NEGR1: variants seen among roughly 807,000 people sequenced by gnomAD.
The protein encoded by NEGR1 is IgLON family member 4.
NEGR1 carries 10 observed loss-of-function variants against 40.9 expected under a neutral mutation model. The ratio of observed to expected loss-of-function variants is 0.24; its 90% CI spans 0.15 to 0.42. The LOEUF (loss-of-function observed/expected upper bound fraction) is 0.42. Ranked by LOEUF, NEGR1 falls within the 10% of genes least tolerant of loss-of-function variation. The pLI is 1.00. For missense variants in NEGR1, 352 were observed against 438.9 expected (o/e 0.80, Z 1.77); for synonymous variants, 185 against 166.8 (o/e 1.11, Z -0.84).
At chr1:71,574,709 T>C (rs536477171) in intron 6 of NEGR1, among the ~76,000 whole-genome samples, 1 of 152,344 alleles carries the variant, frequency 6.6e-6, no homozygotes, top group East Asian at 1.9e-4. Context: ...ATTTATGTTC[T>C]ATTTTAGCCC....
At chr1:71,715,187 C>T (rs1023379477) in intron 3 of NEGR1, among the ~76,000 whole-genome samples, 2 of 152,198 alleles carry the variant, frequency 1.3e-5, no homozygotes, top group Non-Finnish European at 2.9e-5. Flanking sequence ...ACATTGATCC[C>T]TTTCAGTCGT....
intron 4 of NEGR1, among the ~76,000 whole-genome samples, chr1:71,661,612 CTTA>C (rs2101591025): frequency 6.6e-6 from 1 of 152,200 alleles, no homozygotes; most frequent in African/African-American, 2.4e-5. Flanking sequence ...TCATATAAAT[CTTA>C]TGACCCCCGT....
chr1:72,051,406 C>T (rs1051634132), intron 1 of NEGR1, among the ~76,000 whole-genome samples: 12 of 151,416 alleles, frequency 7.9e-5, no homozygotes, highest in Non-Finnish European at 1.6e-4. Flanking sequence ...GCACGATCAT[C>T]GTGATGGCAT....
intron 6 of NEGR1, among the ~76,000 whole-genome samples, chr1:71,586,637 G>A (rs1445747947): frequency 6.6e-6 from 1 of 152,112 alleles, no homozygotes; most frequent in Non-Finnish European, 1.5e-5. Context: ...CAGTCACTCT[G>A]ACTGCTTCAG....
At chr1:71,753,599 C>A (rs1290582076) in intron 3 of NEGR1, among the ~76,000 whole-genome samples, 2 of 152,178 alleles carry the variant, frequency 1.3e-5, no homozygotes, top group African/African-American at 4.8e-5. Flanking sequence ...GATACCAAGA[C>A]TGTCTTCTGC....
At chr1:71,944,541 A>G (rs1370178577) in intron 1 of NEGR1, among the ~76,000 whole-genome samples, 1 of 152,098 alleles carries the variant, frequency 6.6e-6, no homozygotes, top group Non-Finnish European at 1.5e-5. Context: ...CTATTTGCAT[A>G]TATTAATAAA....
At chr1:71,771,993 T>C (rs1040727492) in intron 3 of NEGR1, among the ~76,000 whole-genome samples, 1 of 151,982 alleles carries the variant, frequency 6.6e-6, no homozygotes, top group Non-Finnish European at 1.5e-5. Context: ...ATTGGTAGCA[T>C]AGGGAAGAAA....
intron 5 of NEGR1, among the ~76,000 whole-genome samples, chr1:71,604,909 TA>T (rs1163925143): frequency 2.0e-4 from 30 of 152,190 alleles, no homozygotes; most frequent in African/African-American, 7.0e-4. Context: ...GTCAAGATAT[TA>T]TAGGCCCCAC....
intron 2 of NEGR1, among the ~76,000 whole-genome samples, chr1:71,847,695 C>CA (rs1363690453): frequency 6.6e-6 from 1 of 152,106 alleles, no homozygotes; most frequent in Non-Finnish European, 1.5e-5. Flanking sequence ...CCTTCAGAGA[C>CA]AAAAATATTG....
intron 1 of NEGR1, among the ~76,000 whole-genome samples, chr1:72,241,651 A>G (rs948940845): frequency 3.3e-5 from 5 of 151,620 alleles, no homozygotes; most frequent in African/African-American, 1.2e-4. Context: ...TGGTTAGACA[A>G]TCAGCAAACA....
Position 72,093,118 on chromosome 1 carries a change from G to T in NEGR1, c.177-157807C>A, listed in dbSNP as rs537794166. Among the ~76,000 whole-genome samples the T allele has an allele frequency of 7.2e-5, 11 of 152,094 alleles. No homozygotes were observed. The South Asian group carries it at 2.1e-3, about 29-fold the overall frequency. ...GATACCAAAGCAGGCAGATCACGAG[G>T]TCAGGACATCGAGATCATCCTGGCC... On this transcript the variant is annotated intron_variant, in intron 1 of 6. Transcript: ENST00000357731.
rs549493037 is a variant in NEGR1 at position 71,427,087 on chromosome 1, C to G, written c.941-19517G>C. ...ACTGGTGTTTGCTTTGTTAGCTCAC[C>G]TAAAAATGTCTGTACCTGTATGCAT... is the stretch of plus-strand genomic sequence containing the variant. On this transcript the variant is annotated intron_variant, in intron 6 of 6. Transcript: ENST00000357731. 2.7e-4 allele frequency among the ~76,000 whole-genome samples: 41 copies of G among 152,276 alleles called. 3 individuals are homozygous for G. In the East Asian group the frequency reaches 3.3e-3, roughly 12 times the overall value.
chr1:71,444,479 C>T (rs1331909615), intron 6 of NEGR1, among the ~76,000 whole-genome samples: 1 of 152,070 alleles, frequency 6.6e-6, no homozygotes, highest in Non-Finnish European at 1.5e-5. Flanking sequence ...TATGTCATGT[C>T]AATATCCCAT....
chr1:72,107,682 T>TA (rs553096829), intron 1 of NEGR1, among the ~76,000 whole-genome samples: 5 of 151,472 alleles, frequency 3.3e-5, no homozygotes, highest in African/African-American at 1.2e-4. Flanking sequence ...ATCTTATATA[T>TA]ATTAGAAAAA....
chr1:71,814,272 C>T (rs889492945), intron 2 of NEGR1, among the ~76,000 whole-genome samples: 5 of 151,922 alleles, frequency 3.3e-5, no homozygotes, highest in East Asian at 1.9e-4. Flanking sequence ...GACTTTATCA[C>T]GGTGAATACG....
chr1:71,496,015 C>T (rs1182129773), intron 6 of NEGR1, among the ~76,000 whole-genome samples: 5 of 152,090 alleles, frequency 3.3e-5, no homozygotes, highest in Non-Finnish European at 5.9e-5. Context: ...TAGGTCTCTG[C>T]CTTTCCCACA....
intron 6 of NEGR1, among the ~76,000 whole-genome samples, chr1:71,457,973 A>T (rs2101339246): frequency 2.0e-5 from 3 of 152,336 alleles, no homozygotes; most frequent in Middle Eastern, 6.8e-3. Context: ...AAGTGCTGGG[A>T]TTACAGGCGT....
chr1:71,909,017 T>G (rs1661354665), intron 2 of NEGR1, among the ~76,000 whole-genome samples: 2 of 152,104 alleles, frequency 1.3e-5, no homozygotes, highest in African/African-American at 4.8e-5. Context: ...ACCACTCAGG[T>G]TTTTAAACAT....
At chr1:72,133,207 C>T (rs1650323814) in intron 1 of NEGR1, among the ~76,000 whole-genome samples, 1 of 151,952 alleles carries the variant, frequency 6.6e-6, no homozygotes, top group African/African-American at 2.4e-5. Flanking sequence ...AAAAAATTAC[C>T]ATAAATTCGA....
Sources: gnomAD v4.1 joint callset for allele counts (sites outside exome capture counted in the v4.1 genomes callset) on GRCh38, gnomAD v4.1.1 for gene constraint, MANE v1.5 for transcripts, NCBI Gene and HGNC (gene_info 2026-07-23, HGNC 2026-07-21) for gene names.